UTRN: variants seen among roughly 807,000 people sequenced by gnomAD.
UTRN encodes the protein utrophin.
Under a neutral mutation model 463.9 loss-of-function variants are expected in UTRN, and 283 were observed. The observed-to-expected ratio is 0.61, with a 90% CI of 0.55 to 0.67. The LOEUF (loss-of-function observed/expected upper bound fraction) is 0.67. Among genes scored for constraint, UTRN ranks in the 30% least tolerant of loss-of-function variants. The pLI, the probability that UTRN is intolerant of heterozygous loss-of-function variation, is 0.00. For missense variants in UTRN, 3,922 were observed against 4,084.3 expected (o/e 0.96, Z 1.08); for synonymous variants, 1,442 against 1,431.5 (o/e 1.01, Z -0.17).
intron 51 of UTRN, among the ~76,000 whole-genome samples, chr6:144,642,062 G>A (rs1261012930): frequency 6.6e-6 from 1 of 152,128 alleles, no homozygotes; most frequent in East Asian, 1.9e-4. Flanking sequence ...TTGAAAAGAT[G>A]ATGATATTTT....
rs1185219950 is a variant in UTRN at position 144,828,814 on chromosome 6, T to C, written c.9624T>C (p.Asn3208=). Residue 3208 remains asparagine (N), a synonymous_variant, in exon 69 of 75, where the codon AAT becomes AAC. Coordinates refer to ENST00000367545, the MANE Select transcript of UTRN (RefSeq NM_007124.3). Reference sequence around the variant, plus strand: ...GACTGGCCCAGATGGAAAGGACTAATGGGTCTTTTCTCACTGATAGCAGCT... The same window carrying C: ...GACTGGCCCAGATGGAAAGGACTAACGGGTCTTTTCTCACTGATAGCAGCT... The part of the protein sequence containing the change: ...ATRLAQMERT[N]GSFLTDSSST... 3 of 1,613,336 alleles carry C rather than the reference T, an allele frequency of 1.9e-6. No homozygotes were observed. Among genetic ancestry groups the C allele is most frequent in the Non-Finnish European group, 2.5e-6 (3 of 1,179,574 alleles).
intron 51 of UTRN, among the ~76,000 whole-genome samples, chr6:144,667,719 T>C (rs547461670): frequency 6.6e-6 from 1 of 152,320 alleles, no homozygotes; most frequent in South Asian, 2.1e-4. Flanking sequence ...AAAGAACTTT[T>C]CAGCGGAACT....
intron 58 of UTRN, among the ~76,000 whole-genome samples, chr6:144,765,203 T>C (rs1793159048): frequency 6.6e-6 from 1 of 152,248 alleles, no homozygotes; most frequent in Admixed American, 6.5e-5. Context: ...CCCTCGCACG[T>C]AGACACATCA....
rs1012452617 is a variant in UTRN at position 144,835,794 on chromosome 6, C to T, written c.9680C>T (p.Ala3227Val). ...TGTCTTGCTAGGGAAGACGAGCACG[C>T]CCTCATCCAGCAGTATTGCCAAACA... ...STTGSVEDEH[A>V]LIQQYCQTLG... Residue 3227 changes from alanine to valine, a missense_variant, in exon 70 of 75, where the codon GCC (alanine) becomes GTC (valine). This residue lies in a region of UTRN where 1,309 missense variants were observed against 1,452.6 expected (regional missense o/e 0.90). Transcript: ENST00000367545. The T allele has an allele frequency of 6.8e-6, 11 of 1,613,928 alleles. No homozygotes were observed. Among genetic ancestry groups the T allele is most frequent in the Non-Finnish European group, 9.3e-6 (11 of 1,179,976 alleles).
chr6:144,754,942 A>G (rs1258664048), intron 57 of UTRN, 144 bp downstream of exon 57: 1 of 726,642 alleles, frequency 1.4e-6, no homozygotes, highest in Admixed American at 3.1e-5. Context: ...CAAAGAAAAT[A>G]TTGCTTAATG....
chr6:144,579,803 G>A (rs531507463), intron 51 of UTRN, among the ~76,000 whole-genome samples: 18 of 152,212 alleles, frequency 1.2e-4, no homozygotes, highest in Admixed American at 3.3e-4. Context: ...TAATAAAGAG[G>A]ACATTTACTA....
chr6:144,845,560 G>T (rs1781941597), intron 73 of UTRN, among the ~76,000 whole-genome samples: 1 of 152,142 alleles, frequency 6.6e-6, no homozygotes, highest in Non-Finnish European at 1.5e-5. Context: ...TTGATAAAAG[G>T]CTGTAAGGTT....
chr6:144,356,975 T>C (rs529306084), intron 2 of UTRN, among the ~76,000 whole-genome samples: 19 of 152,096 alleles, frequency 1.2e-4, no homozygotes, highest in South Asian at 4.1e-4. Flanking sequence ...AAAAATAAAG[T>C]TACATTTTTT....
intron 2 of UTRN, among the ~76,000 whole-genome samples, chr6:144,346,928 T>G: frequency 3.3e-5 from 5 of 150,964 alleles, no homozygotes; most frequent in African/African-American, 1.2e-4. Flanking sequence ...TATCGATCTC[T>G]ATCTTTATCC....
intron 58 of UTRN, among the ~76,000 whole-genome samples, chr6:144,762,924 T>G (rs1190746058): frequency 6.6e-6 from 1 of 152,228 alleles, no homozygotes; most frequent in Non-Finnish European, 1.5e-5. Context: ...TAACACCTTC[T>G]CTAAAGCCTG....
intron 39 of UTRN, among the ~76,000 whole-genome samples, chr6:144,519,504 A>G (rs1360091845): frequency 1.3e-5 from 2 of 152,170 alleles, no homozygotes; most frequent in African/African-American, 2.4e-5. Context: ...ACTGACCTCT[A>G]GTATATTTGT....
chr6:144,290,402 G>A (rs560513662), intron 1 of UTRN, among the ~76,000 whole-genome samples: 2 of 152,256 alleles, frequency 1.3e-5, no homozygotes, highest in South Asian at 4.1e-4. Flanking sequence ...AAGAAACCAG[G>A]CCATTTCTTT....
intron 58 of UTRN, among the ~76,000 whole-genome samples, chr6:144,766,788 G>GTGTGTGTA (rs1491154076): frequency 7.3e-5 from 8 of 109,230 alleles, no homozygotes; most frequent in African/African-American, 3.3e-4. Context: ...TGAGGTAGGG[G>GTGTGTGTA]TGTGTGTGTG....
At chr6:144,587,032 G>A (rs1001028317) in intron 51 of UTRN, among the ~76,000 whole-genome samples, 1 of 152,094 alleles carries the variant, frequency 6.6e-6, no homozygotes, top group Non-Finnish European at 1.5e-5. Flanking sequence ...TATATGCCAT[G>A]GTGAAATCAT....
intron 51 of UTRN, among the ~76,000 whole-genome samples, chr6:144,637,292 T>C (rs1037851377): frequency 3.9e-5 from 6 of 152,204 alleles, no homozygotes; most frequent in African/African-American, 1.4e-4. Context: ...ATTTCTATCA[T>C]ATTGTGATGT....
intron 2 of UTRN, among the ~76,000 whole-genome samples, chr6:144,347,856 T>TTTTTTTTTTTTTTTTG (rs1777740203): frequency 6.7e-6 from 1 of 149,432 alleles, no homozygotes; most frequent in African/African-American, 2.5e-5. Flanking sequence ...TTTTGTTTTT[T>TTTTTTTTTTTTTTTTG]TTTTTGAGAC....
At chr6:144,623,753 A>AT (rs531555719) in intron 51 of UTRN, among the ~76,000 whole-genome samples, 11 of 152,060 alleles carry the variant, frequency 7.2e-5, no homozygotes, top group East Asian at 1.9e-4. Flanking sequence ...TATTCACGGG[A>AT]TTTTTTCCCT....
chr6:144,318,039 G>A lies in UTRN; in HGVS notation c.79+26132G>A, dbSNP rs147021734. ...TTATCTCTTTTTGAGTTTCATTTTC[G>A]GCTTAGGTACTCTGCTTGTAGGATT... is the stretch of plus-strand genomic sequence containing the variant. On this transcript the variant is annotated intron_variant, in intron 2 of 74. Transcript: ENST00000367545. 2.1e-3 allele frequency among the ~76,000 whole-genome samples: 315 copies of A among 151,678 alleles called. 4 individuals are homozygous for A. The East Asian group carries it at 0.041, about 20-fold the overall frequency.
At chr6:144,481,288 A>G (rs1338261383) in intron 26 of UTRN, among the ~76,000 whole-genome samples, 1 of 152,212 alleles carries the variant, frequency 6.6e-6, no homozygotes, top group Non-Finnish European at 1.5e-5. Flanking sequence ...TATTGCCATT[A>G]AAAGTAATGG....
Sources: gnomAD v4.1 joint callset for allele counts (sites outside exome capture counted in the v4.1 genomes callset) on GRCh38, gnomAD v4.1.1 for gene constraint, gnomAD v4.1.1 regional missense constraint, MANE v1.5 for transcripts, NCBI Gene and HGNC (gene_info 2026-07-23, HGNC 2026-07-21) for gene names.